Variants in IL15 observed in about 807,000 individuals in gnomAD.
IL15 encodes the protein interleukin-15.
Under a neutral mutation model 19.6 loss-of-function variants are expected in IL15, and 11 were observed. The observed-to-expected ratio is 0.56, with a 90% CI of 0.35 to 0.93. The LOEUF (loss-of-function observed/expected upper bound fraction) is 0.93, where lower values mean the gene tolerates loss of function less well. Ranked by LOEUF, IL15 falls within the 40% of genes least tolerant of loss-of-function variation. IL15 has a pLI of 0.01. For missense variants in IL15, 197 were observed against 186.5 expected, an observed-to-expected ratio of 1.06 and a Z score of -0.33; for synonymous variants, 58 against 59.6, an observed-to-expected ratio of 0.97 and a Z score of 0.12.
intron 2 of IL15, among the ~76,000 whole-genome samples, chr4:141,688,028 GT>G (rs1386458957): frequency 1.3e-5 from 2 of 152,156 alleles, no homozygotes; most frequent in Admixed American, 1.3e-4. Flanking sequence ...TCTGGGACAA[GT>G]TCTTTTTGTG....
intron 2 of IL15, among the ~76,000 whole-genome samples, chr4:141,708,807 G>C (rs1013071445): frequency 6.6e-6 from 1 of 152,010 alleles, no homozygotes; most frequent in Admixed American, 6.5e-5. Context: ...TCACTGTTTT[G>C]ATCCCTTTTA....
chr4:141,719,586 ATCACAGATGTCTGT>A, intron 3 of IL15, 110 bp downstream of exon 3: 1 of 800,018 alleles, frequency 1.2e-6, no homozygotes, highest in Non-Finnish European at 1.9e-6. Flanking sequence ...ATCTTGAGAT[ATCACAGATGTCTGT>A]TCACATTTGG....
intron 6 of IL15, among the ~76,000 whole-genome samples, chr4:141,729,042 T>C (rs1346903129): frequency 6.6e-6 from 1 of 152,178 alleles, no homozygotes; most frequent in Non-Finnish European, 1.5e-5. Context: ...CTCATTTTTA[T>C]TATTGCTGAT....
At chr4:141,648,022 G>A (rs1287454227) in intron 1 of IL15, among the ~76,000 whole-genome samples, 1 of 152,050 alleles carries the variant, frequency 6.6e-6, no homozygotes, top group Non-Finnish European at 1.5e-5. Context: ...CTGGCACATA[G>A]TAGAGCTATA....
intron 2 of IL15, among the ~76,000 whole-genome samples, chr4:141,659,370 T>G (rs1466639416): frequency 6.6e-6 from 1 of 151,960 alleles, no homozygotes; most frequent in Non-Finnish European, 1.5e-5. Flanking sequence ...GCCCAGCTAA[T>G]TTTTGTATTT....
chr4:141,663,874 GGA>G (rs1276995224), intron 2 of IL15, among the ~76,000 whole-genome samples: 4 of 152,158 alleles, frequency 2.6e-5, no homozygotes, highest in Admixed American at 2.0e-4. Context: ...GAGGCTGAGA[GGA>G]GAGAGTAGGA....
chr4:141,643,006 G>A (rs1312858156), intron 1 of IL15, among the ~76,000 whole-genome samples: 1 of 152,128 alleles, frequency 6.6e-6, no homozygotes, highest in Non-Finnish European at 1.5e-5. Context: ...GGAAACATAA[G>A]TAATATAGCA....
At chr4:141,699,477 T>C (rs72712421) in intron 2 of IL15, among the ~76,000 whole-genome samples, 21,607 of 152,098 alleles carry the variant, frequency 0.14, 1,651 homozygotes, top group African/African-American at 0.18. Context: ...TTTCTTAGGT[T>C]TAGTAGGTAT....
intron 2 of IL15, among the ~76,000 whole-genome samples, chr4:141,682,722 C>T (rs1307427474): frequency 2.0e-5 from 3 of 151,884 alleles, no homozygotes; most frequent in Non-Finnish European, 4.4e-5. Context: ...AGGGGGAGGC[C>T]GAGGCGGGTG....
intron 1 of IL15, among the ~76,000 whole-genome samples, chr4:141,644,138 G>A (rs1727143862): frequency 6.6e-6 from 1 of 151,512 alleles, no homozygotes; most frequent in African/African-American, 2.4e-5. Context: ...CTGTCACCTG[G>A]GTTCAAGTTG....
intron 1 of IL15, among the ~76,000 whole-genome samples, chr4:141,639,078 T>C (rs1434840047): frequency 6.6e-6 from 1 of 152,238 alleles, no homozygotes; most frequent in African/African-American, 2.4e-5. Flanking sequence ...GTATCAGACA[T>C]TGTTCTAAGG....
chr4:141,722,106 AC>A, intron 5 of IL15, 98 bp downstream of exon 5: 4 of 1,337,040 alleles, frequency 3.0e-6, no homozygotes, highest in South Asian at 2.2e-5. Context: ...CACACTTGAA[AC>A]AATAATATTT....
intron 2 of IL15, among the ~76,000 whole-genome samples, chr4:141,695,272 CTTTTTTTTTTTTTTT>C (rs34115620): frequency 3.2e-5 from 2 of 62,564 alleles, no homozygotes; most frequent in Admixed American, 3.7e-4. Flanking sequence ...TCTATGATAC[CTTTTTTTTTTTTTTT>C]TTTTTTTTTT....
At chr4:141,697,689 C>T (rs185986766) in intron 2 of IL15, among the ~76,000 whole-genome samples, 2 of 152,140 alleles carry the variant, frequency 1.3e-5, no homozygotes, top group South Asian at 2.1e-4. Flanking sequence ...TTTCTTTCAG[C>T]AGTGTTTTGT....
intron 2 of IL15, among the ~76,000 whole-genome samples, chr4:141,697,010 G>A (rs1278006830): frequency 6.6e-6 from 1 of 151,990 alleles, no homozygotes; most frequent in African/African-American, 2.4e-5. Flanking sequence ...AAGCTTTTTA[G>A]TTTAATGAGG....
Position 141,703,699 on chromosome 4 carries a change from G to C in IL15, c.-99-15667G>C, listed in dbSNP as rs570853591. Among the ~76,000 whole-genome samples the C allele has an allele frequency of 6.8e-5, 10 of 147,618 alleles. No homozygotes were observed. The South Asian group carries it at 2.1e-3, about 32-fold the overall frequency. ...TGGATTTTTCCAGTTTTCCCAGTGG[G>C]AGAGGCATGCTAACACTGCCTCCTA... On this transcript the variant is annotated intron_variant, in intron 2 of 7. Coordinates refer to ENST00000320650, the MANE Select transcript of IL15 (RefSeq NM_000585.5).
chr4:141,675,407 C>A (rs79471245), intron 2 of IL15, among the ~76,000 whole-genome samples: 3,059 of 152,186 alleles, frequency 0.02, 106 homozygotes, highest in African/African-American at 0.069. Context: ...AATGTTGTAA[C>A]CCCCTCCTGT....
intron 2 of IL15, among the ~76,000 whole-genome samples, chr4:141,682,603 C>A (rs905570089): frequency 3.9e-5 from 6 of 152,094 alleles, no homozygotes; most frequent in Non-Finnish European, 8.8e-5. Context: ...GGCACATGAA[C>A]ACATGTACAT....
intron 2 of IL15, among the ~76,000 whole-genome samples, chr4:141,695,326 T>G (rs1378530903): frequency 2.0e-5 from 3 of 146,952 alleles, no homozygotes; most frequent in African/African-American, 7.6e-5. Flanking sequence ...AGTGAGATTA[T>G]GTAGTACTTG....
Sources: allele counts gnomAD v4.1 joint callset (sites outside exome capture counted in the v4.1 genomes callset), GRCh38; gene constraint gnomAD v4.1.1; transcripts MANE v1.5; gene names NCBI Gene and HGNC (gene_info 2026-07-23, HGNC 2026-07-21).